Variants in PPP1R14C observed in about 807,000 individuals in gnomAD.
PPP1R14C encodes the protein protein phosphatase 1 regulatory inhibitor subunit 14C, also known as protein phosphatase 1 regulatory subunit 14C.
In PPP1R14C, 16 loss-of-function variants were observed where a neutral mutation model predicts 20.4. The ratio of observed to expected loss-of-function variants is 0.78; its 90% CI spans 0.53 to 1.19. The LOEUF (loss-of-function observed/expected upper bound fraction) is 1.19, where lower values mean the gene tolerates loss of function less well. PPP1R14C is among the 50% of genes most tolerant of loss of function. The pLI, the probability that PPP1R14C is intolerant of heterozygous loss-of-function variation, is 0.00. For missense variants in PPP1R14C, 211 were observed against 220.1 expected, an observed-to-expected ratio of 0.96 and a Z score of 0.26; for synonymous variants, 91 against 91.0, an observed-to-expected ratio of 1.00 and a Z score of 0.00.
At chr6:150,207,915 T>C (rs7744115) in intron 1 of PPP1R14C, among the ~76,000 whole-genome samples, 21,052 of 151,972 alleles carry the variant, frequency 0.14, 1,643 homozygotes, top group African/African-American at 0.19. Context: ...CGAGGGGTCA[T>C]ATCTGGTTGG....
intron 3 of PPP1R14C, among the ~76,000 whole-genome samples, chr6:150,219,403 A>G (rs1003316690): frequency 2.6e-5 from 4 of 151,898 alleles, no homozygotes; most frequent in African/African-American, 9.7e-5. Flanking sequence ...TTTAGTAGAG[A>G]TGGGGTTTTG....
chr6:150,181,832 G>A (rs1777624997), intron 1 of PPP1R14C, among the ~76,000 whole-genome samples: 1 of 152,146 alleles, frequency 6.6e-6, no homozygotes, highest in South Asian at 2.1e-4. Flanking sequence ...ATTTATTTAT[G>A]ATTTTGATCT....
chr6:150,148,295 T>G (rs1331432921), intron 1 of PPP1R14C, among the ~76,000 whole-genome samples: 4 of 149,130 alleles, frequency 2.7e-5, no homozygotes, highest in Admixed American at 2.7e-4. Context: ...ACAGGGAAGT[T>G]AAGAAGTTGC....
chr6:150,231,394 C>T (rs569717601), intron 3 of PPP1R14C, among the ~76,000 whole-genome samples: 26 of 152,328 alleles, frequency 1.7e-4, no homozygotes, highest in African/African-American at 5.8e-4. Context: ...TTCCGTCACA[C>T]CCCAAGTCTG....
chr6:150,174,467 T>G (rs947923363), intron 1 of PPP1R14C, among the ~76,000 whole-genome samples: 5 of 151,422 alleles, frequency 3.3e-5, no homozygotes, highest in Non-Finnish European at 5.9e-5. Flanking sequence ...CCGCCCACCT[T>G]GGCCTCCCAA....
chr6:150,202,408 C>G (rs1361513780), intron 1 of PPP1R14C, among the ~76,000 whole-genome samples: 3 of 152,228 alleles, frequency 2.0e-5, no homozygotes, highest in East Asian at 3.9e-4. Context: ...TTGCTTCTCC[C>G]TCTCTCATTG....
rs1777565767 is a variant in PPP1R14C, at chr6:150,176,631, C to A, written c.306+33133C>A. Among the ~76,000 whole-genome samples, 2 of 152,218 alleles carry A rather than the reference C, an allele frequency of 1.3e-5. 1 individual carries two copies. Among genetic ancestry groups the A allele is most frequent in the South Asian group, 4.1e-4 (2 of 4,830 alleles). The stretch of plus-strand genomic sequence containing the variant: ...TTTTGGTGGATTTGTGGATTGGCGT[C>A]CCTGGTCCAGAAGAGTTTTATTATC... On this transcript the variant is annotated intron_variant, in intron 1 of 3. Transcript: ENST00000361131.
At chr6:150,238,735 A>G (rs2114930325) in intron 3 of PPP1R14C, among the ~76,000 whole-genome samples, 1 of 152,368 alleles carries the variant, frequency 6.6e-6, no homozygotes, top group Admixed American at 6.5e-5. Context: ...CATAGACTCT[A>G]CTTAGATTAG....
intron 1 of PPP1R14C, among the ~76,000 whole-genome samples, chr6:150,180,342 G>GGA (rs1302057619): frequency 6.6e-6 from 1 of 152,236 alleles, no homozygotes; most frequent in Admixed American, 6.5e-5. Flanking sequence ...TGGTACAAGT[G>GGA]TTGGCCTCAG....
At chr6:150,187,269 G>A (rs1363042325) in intron 1 of PPP1R14C, among the ~76,000 whole-genome samples, 1 of 151,526 alleles carries the variant, frequency 6.6e-6, no homozygotes, top group Non-Finnish European at 1.5e-5. Flanking sequence ...GTGTGTGTGT[G>A]TGTGTGTGTG....
At chr6:150,172,575 G>C (rs1777512004) in intron 1 of PPP1R14C, among the ~76,000 whole-genome samples, 1 of 152,148 alleles carries the variant, frequency 6.6e-6, no homozygotes, top group Non-Finnish European at 1.5e-5. Context: ...TTTAGCTATT[G>C]AGAGCTGATG....
At chr6:150,241,274 G>A (rs1391614310) in intron 3 of PPP1R14C, among the ~76,000 whole-genome samples, 1 of 152,236 alleles carries the variant, frequency 6.6e-6, no homozygotes, top group African/African-American at 2.4e-5. Flanking sequence ...GAGGGGCCCA[G>A]AGAGGGCACG....
chr6:150,161,173 G>A (rs1215815368), intron 1 of PPP1R14C, among the ~76,000 whole-genome samples: 2 of 151,940 alleles, frequency 1.3e-5, no homozygotes, highest in East Asian at 3.9e-4. Flanking sequence ...CCAGCTACTC[G>A]GGAGGCTGAG....
intron 2 of PPP1R14C, 34 bp downstream of exon 2, chr6:150,214,861 C>A: frequency 6.8e-7 from 1 of 1,462,770 alleles, no homozygotes; most frequent in Non-Finnish European, 9.5e-7. Context: ...ACCTTCTAAT[C>A]ATGGACACTT....
intron 3 of PPP1R14C, among the ~76,000 whole-genome samples, chr6:150,230,239 G>A (rs994115688): frequency 2.0e-5 from 3 of 152,068 alleles, no homozygotes; most frequent in Admixed American, 6.6e-5. Flanking sequence ...CCCACCACCC[G>A]CTTCACACTT....
intron 1 of PPP1R14C, among the ~76,000 whole-genome samples, chr6:150,147,891 C>T (rs1025455933): frequency 1.3e-5 from 2 of 152,156 alleles, no homozygotes; most frequent in Non-Finnish European, 2.9e-5. Flanking sequence ...GAAAGAAATA[C>T]CCTGTTGATT....
At chr6:150,211,181 T>C (rs1009635889) in intron 1 of PPP1R14C, among the ~76,000 whole-genome samples, 1 of 152,220 alleles carries the variant, frequency 6.6e-6, no homozygotes, top group Non-Finnish European at 1.5e-5. Context: ...CCATTGCATG[T>C]CATTGTGTTT....
intron 3 of PPP1R14C, among the ~76,000 whole-genome samples, chr6:150,239,839 G>T (rs1022027039): frequency 1.3e-5 from 2 of 152,190 alleles, no homozygotes; most frequent in Non-Finnish European, 2.9e-5. Context: ...GATCACTTGG[G>T]GTCAGGAGTT....
chr6:150,200,805 C>A (rs1014277675), intron 1 of PPP1R14C, among the ~76,000 whole-genome samples: 1 of 152,208 alleles, frequency 6.6e-6, no homozygotes, highest in Non-Finnish European at 1.5e-5. Context: ...ATATCTGCCT[C>A]ACAAGGAGTG....
Sources: gnomAD v4.1 joint callset for allele counts (sites outside exome capture counted in the v4.1 genomes callset) on GRCh38, gnomAD v4.1.1 for gene constraint, MANE v1.5 for transcripts, NCBI Gene and HGNC (gene_info 2026-07-23, HGNC 2026-07-21) for gene names.